The following ADAMTS9 variants were observed in gnomAD, a reference collection of about 807,000 sequenced individuals.
ADAMTS9 encodes A disintegrin and metalloproteinase with thrombospondin motifs 9.
In ADAMTS9, 107 loss-of-function variants were observed where a neutral mutation model predicts 257.1. The ratio of observed to expected loss-of-function variants is 0.42; its 90% CI spans 0.36 to 0.49. The LOEUF is 0.49. ADAMTS9 is among the 20% of genes least tolerant of loss of function. The pLI is 0.03. For synonymous variants in ADAMTS9, 982 were observed against 880.9 expected, an observed-to-expected ratio of 1.11 and a Z score of -2.03; for missense variants, 2,353 against 2,469.1, an observed-to-expected ratio of 0.95 and a Z score of 1.00.
At chr3:64,674,703 C>A (rs1701582299) in intron 3 of ADAMTS9, among the ~76,000 whole-genome samples, 1 of 152,162 alleles carries the variant, frequency 6.6e-6, no homozygotes, top group Non-Finnish European at 1.5e-5. Flanking sequence ...TTGCTTGGGG[C>A]CCAGGCAGGA....
intron 37 of ADAMTS9, among the ~76,000 whole-genome samples, chr3:64,536,099 G>A (rs1294527898): frequency 1.3e-5 from 2 of 152,162 alleles, no homozygotes; most frequent in Admixed American, 6.5e-5. Flanking sequence ...GCCGACCTGG[G>A]CGTCCAGTGT....
At chr3:64,526,070 ATAT>A (rs1230703481) in intron 38 of ADAMTS9, among the ~76,000 whole-genome samples, 1 of 143,860 alleles carries the variant, frequency 7.0e-6, no homozygotes, top group Non-Finnish European at 1.5e-5. Context: ...GCTATACTAT[ATAT>A]TATAATAAAA....
intron 3 of ADAMTS9, among the ~76,000 whole-genome samples, chr3:64,664,226 C>CT (rs1414742561): frequency 6.6e-6 from 1 of 152,084 alleles, no homozygotes; most frequent in East Asian, 1.9e-4. Context: ...TCTTGCTCTT[C>CT]TTTTTTTCCT....
At chr3:64,593,942 A>G (rs1436618476) in intron 28 of ADAMTS9, among the ~76,000 whole-genome samples, 3 of 115,958 alleles carry the variant, frequency 2.6e-5, no homozygotes, top group Admixed American at 8.1e-5. Flanking sequence ...TAAAATCACT[A>G]TGTATGTGTG....
intron 32 of ADAMTS9, among the ~76,000 whole-genome samples, chr3:64,545,559 G>A (rs531283779): frequency 1.1e-4 from 17 of 152,148 alleles, no homozygotes; most frequent in Non-Finnish European, 2.2e-4. Flanking sequence ...ACTGAACAAT[G>A]AGAACACTTG....
At chr3:64,661,668 A>G (rs957634841) in intron 3 of ADAMTS9, among the ~76,000 whole-genome samples, 20 of 152,188 alleles carry the variant, frequency 1.3e-4, no homozygotes, top group African/African-American at 4.6e-4. Context: ...CAAAGTAAAT[A>G]TGAATTGAGA....
chr3:64,567,031 C>A (rs1449138050), intron 29 of ADAMTS9, among the ~76,000 whole-genome samples: 1 of 151,978 alleles, frequency 6.6e-6, no homozygotes, highest in Middle Eastern at 3.4e-3. Context: ...TTAAAACAAA[C>A]AAAACCCCCA....
At chr3:64,544,512 G>A (rs2083171191) in intron 32 of ADAMTS9, among the ~76,000 whole-genome samples, 2 of 152,176 alleles carry the variant, frequency 1.3e-5, no homozygotes, top group Non-Finnish European at 2.9e-5. Context: ...AAGAAATGGG[G>A]AAAGGATTCC....
At chr3:64,563,749 C>G (rs1310186946) in intron 29 of ADAMTS9, among the ~76,000 whole-genome samples, 1 of 152,188 alleles carries the variant, frequency 6.6e-6, no homozygotes, top group Non-Finnish European at 1.5e-5. Flanking sequence ...GCAAAGCCAG[C>G]TTTGAAATAC....
chr3:64,574,815 G>T (rs191680109), intron 28 of ADAMTS9, among the ~76,000 whole-genome samples: 15 of 152,146 alleles, frequency 9.9e-5, no homozygotes, highest in African/African-American at 2.4e-5. Context: ...ACAACCAGTT[G>T]CTCACCTCTA....
chr3:64,574,207 G>C (rs1279275698), intron 28 of ADAMTS9, among the ~76,000 whole-genome samples: 1 of 152,150 alleles, frequency 6.6e-6, no homozygotes, highest in African/African-American at 2.4e-5. Flanking sequence ...CTTTCAGTTT[G>C]AGCAGAACTC....
At chr3:64,611,014 T>A (rs1019375078) in intron 22 of ADAMTS9, among the ~76,000 whole-genome samples, 2 of 142,452 alleles carry the variant, frequency 1.4e-5, no homozygotes, top group African/African-American at 5.3e-5. Context: ...AGGCAGAGGT[T>A]GCCATGAGCC....
At chr3:64,529,718 G>A (rs1203142575) in intron 38 of ADAMTS9, among the ~76,000 whole-genome samples, 6 of 152,192 alleles carry the variant, frequency 3.9e-5, no homozygotes, top group African/African-American at 1.2e-4. Flanking sequence ...TTAGGTTAGT[G>A]GTTCTCAAAA....
At position 64,569,734 on chromosome 3, in the gene ADAMTS9, G is replaced by A. The variant is rs142473996; in HGVS notation, c.4357-1199C>T. On this transcript the variant is annotated intron_variant, in intron 28 of 39. Transcript: ENST00000498707. ...TTGCTCATAGAGAAATGTGAAGTAC[G>A]TATATTAATACATTTGGCTTTAATT... 2.9e-3 allele frequency among the ~76,000 whole-genome samples: 443 copies of A among 152,250 alleles called. 4 individuals carry two copies. Among genetic ancestry groups the A allele is most frequent in the African/African-American group, 9.9e-3 (413 of 41,548 alleles).
intron 27 of ADAMTS9, 69 bp downstream of exon 27, chr3:64,596,761 A>C: frequency 1.3e-6 from 2 of 1,573,708 alleles, no homozygotes; most frequent in Non-Finnish European, 1.7e-6. Flanking sequence ...TGAAAATAAA[A>C]TCTGAATGAT....
Position 64,516,151 on chromosome 3 carries a change from G to C in ADAMTS9, c.*976C>G, listed in dbSNP as rs546693492. The C allele has an allele frequency of 3.9e-5, 6 of 152,420 alleles. No individual in the cohort carries two copies. Among genetic ancestry groups the C allele is most frequent in the African/African-American group, 1.4e-4 (6 of 41,528 alleles). The allele number at this position is 152,420 out of a possible 1,614,324, so 9.4% of individuals were successfully genotyped here. A position where few individuals can be genotyped will look rare whatever the true frequency, so the allele number is the denominator to read the frequency against. Reference sequence around the variant, plus strand: ...CCTGGTTCTGAATTTCTCCAGGTGTGCTCGTGAGCTGAAGGTCATGCCCAT... The same window carrying C: ...CCTGGTTCTGAATTTCTCCAGGTGTCCTCGTGAGCTGAAGGTCATGCCCAT... On this transcript the variant is annotated 3_prime_UTR_variant, in exon 40 of 40. Transcript: ENST00000498707.
chr3:64,528,018 C>G (rs1354457406), intron 38 of ADAMTS9, among the ~76,000 whole-genome samples: 1 of 152,200 alleles, frequency 6.6e-6, no homozygotes, highest in Non-Finnish European at 1.5e-5. Flanking sequence ...TATTTTTTAA[C>G]TTCAAAGCAA....
At chr3:64,604,356 AC>A in intron 23 of ADAMTS9, 25 bp from the exon 24 acceptor site, 1 of 1,513,346 alleles carries the variant, frequency 6.6e-7, no homozygotes, top group Non-Finnish European at 9.0e-7. Flanking sequence ...GGAAAAAAAA[AC>A]AAAGTCACTT....
At position 64,533,846 on chromosome 3, in the gene ADAMTS9, C is replaced by A. The variant is rs1036694788; in HGVS notation, c.5614-576G>T. On this transcript the variant is annotated intron_variant, in intron 37 of 39. Coordinates refer to ENST00000498707, the MANE Select transcript of ADAMTS9 (RefSeq NM_182920.2). ...CAAGACCACCTGGGCCTGGAGGATG[C>A]GGCTTTCAGGCTCCGGTAAGGGAGA... 6.6e-5 allele frequency among the ~76,000 whole-genome samples: 10 copies of A among 152,146 alleles called. 1 individual carries two copies. Among genetic ancestry groups the A allele is most frequent in the African/African-American group, 1.9e-4 (8 of 41,430 alleles).
Sources: gnomAD v4.1 joint callset for allele counts (sites outside exome capture counted in the v4.1 genomes callset) on GRCh38, gnomAD v4.1.1 for gene constraint, MANE v1.5 for transcripts, NCBI Gene and HGNC (gene_info 2026-07-23, HGNC 2026-07-21) for gene names.